Variants in CSMD2 observed in about 807,000 individuals in gnomAD.
CSMD2 encodes the protein CUB and sushi domain-containing protein 2.
Under a neutral mutation model 398.5 loss-of-function variants are expected in CSMD2, and 130 were observed. That is an observed-to-expected ratio of 0.33 (90% CI 0.28 to 0.38). CSMD2 has a LOEUF of 0.38. Ranked by LOEUF, CSMD2 falls within the 10% of genes least tolerant of loss-of-function variation. The pLI is 1.00. For missense variants in CSMD2, 3,829 were observed against 4,764.9 expected (o/e 0.80, Z 5.78); for synonymous variants, 1,828 against 1,908.5 (o/e 0.96, Z 1.10).
intron 53 of CSMD2, among the ~76,000 whole-genome samples, chr1:33,567,027 G>T (rs913753905): frequency 6.6e-6 from 1 of 151,732 alleles, no homozygotes; most frequent in African/African-American, 2.4e-5. Flanking sequence ...AGGTCACAAA[G>T]AAAGCTTCAG....
chr1:33,663,746 C>A (rs1644219958), intron 25 of CSMD2, among the ~76,000 whole-genome samples: 1 of 152,206 alleles, frequency 6.6e-6, no homozygotes, highest in African/African-American at 2.4e-5. Context: ...AAGTAGTAAC[C>A]TGAATTTTTC....
At chr1:33,630,065 TCTTCCTTC>T (rs562242200) in intron 32 of CSMD2, among the ~76,000 whole-genome samples, 19 of 151,150 alleles carry the variant, frequency 1.3e-4, no homozygotes, top group Admixed American at 4.6e-4. Flanking sequence ...TCCCCCATCT[TCTTCCTTC>T]CTTCCTTCCT....
At chr1:33,848,822 T>C (rs1638486195) in intron 5 of CSMD2, among the ~76,000 whole-genome samples, 1 of 151,540 alleles carries the variant, frequency 6.6e-6, no homozygotes, top group African/African-American at 2.4e-5. Flanking sequence ...TTTTTTTTTT[T>C]TTTCTCCAGG....
intron 33 of CSMD2, among the ~76,000 whole-genome samples, chr1:33,625,723 C>G (rs143252733): frequency 6.6e-6 from 1 of 152,122 alleles, no homozygotes; most frequent in Non-Finnish European, 1.5e-5. Flanking sequence ...CTGATGGGCC[C>G]GGGATGGCCT....
At chr1:33,617,974 C>T (rs1248731814) in intron 37 of CSMD2, among the ~76,000 whole-genome samples, 1 of 151,594 alleles carries the variant, frequency 6.6e-6, no homozygotes. Context: ...TCTTAACTCC[C>T]CTCTGTCTTC....
rs562283587 is a variant in CSMD2, at chr1:33,664,150, T to C, written c.4053-1058A>G. The stretch of plus-strand genomic sequence containing the variant: ...AGAGAAAAGGCAAACAATATACAGA[T>C]GTACTGAATTTTAAAAAAGTCTCTC... On this transcript the variant is annotated intron_variant, in intron 25 of 70. Coordinates refer to ENST00000373381, the MANE Select transcript of CSMD2 (RefSeq NM_001281956.2). Among the ~76,000 whole-genome samples, 5 of 152,334 alleles carry C rather than the reference T, an allele frequency of 3.3e-5. No individual in the cohort carries two copies. In the East Asian group the frequency reaches 9.6e-4, roughly 29 times the overall value.
intron 15 of CSMD2, among the ~76,000 whole-genome samples, chr1:33,730,847 G>T (rs537553659): frequency 6.6e-6 from 1 of 152,114 alleles, no homozygotes; most frequent in South Asian, 2.1e-4. Flanking sequence ...AACCCATGAC[G>T]AATTTTCTTT....
intron 1 of CSMD2, among the ~76,000 whole-genome samples, chr1:34,144,281 A>C (rs1049442658): frequency 6.6e-6 from 1 of 152,138 alleles, no homozygotes; most frequent in African/African-American, 2.4e-5. Context: ...AGGAGAGAAC[A>C]TGTTCATCCT....
chr1:33,972,543 G>A (rs1381805605), intron 3 of CSMD2, among the ~76,000 whole-genome samples: 3 of 152,110 alleles, frequency 2.0e-5, no homozygotes, highest in African/African-American at 7.2e-5. Flanking sequence ...ATAAGAGGGG[G>A]GCAGGAGGAT....
chr1:33,978,680 C>G (rs183310884), intron 3 of CSMD2, among the ~76,000 whole-genome samples: 1 of 152,274 alleles, frequency 6.6e-6, no homozygotes, highest in Non-Finnish European at 1.5e-5. Flanking sequence ...TACCTAAGAA[C>G]CCTAGAAACT....
At chr1:33,699,602 G>C (rs1286374409) in intron 23 of CSMD2, among the ~76,000 whole-genome samples, 2 of 152,206 alleles carry the variant, frequency 1.3e-5, no homozygotes, top group African/African-American at 4.8e-5. Context: ...TAACAGGCAA[G>C]GATCCTCTGC....
intron 64 of CSMD2, among the ~76,000 whole-genome samples, chr1:33,531,534 T>C (rs1414518162): frequency 6.6e-6 from 1 of 152,226 alleles, no homozygotes; most frequent in Non-Finnish European, 1.5e-5. Flanking sequence ...ACAGAAGTAT[T>C]ATTTGTAATA....
intron 1 of CSMD2, among the ~76,000 whole-genome samples, chr1:34,105,768 C>T (rs1018153307): frequency 3.3e-5 from 5 of 152,164 alleles, no homozygotes; most frequent in Non-Finnish European, 4.4e-5. Flanking sequence ...GGGCCTGATA[C>T]ATATTGTAGT....
intron 3 of CSMD2, among the ~76,000 whole-genome samples, chr1:33,963,897 T>A (rs1038699111): frequency 4.6e-5 from 7 of 152,122 alleles, no homozygotes; most frequent in Non-Finnish European, 1.5e-5. Context: ...TGTGGACATA[T>A]GTGTTAATTT....
intron 35 of CSMD2, 52 bp from the exon 36 acceptor site, chr1:33,623,518 C>T: frequency 7.7e-7 from 1 of 1,299,430 alleles, no homozygotes; most frequent in Non-Finnish European, 1.1e-6. Flanking sequence ...GTCCCTCCCT[C>T]CTTCTCTGCT....
At chr1:33,776,195 G>A (rs565578359) in intron 12 of CSMD2, among the ~76,000 whole-genome samples, 4 of 152,304 alleles carry the variant, frequency 2.6e-5, no homozygotes, top group African/African-American at 7.2e-5. Flanking sequence ...GAGGAAAGAT[G>A]TATTGAATGG....
chr1:33,560,010 A>C (rs909270800), intron 53 of CSMD2, among the ~76,000 whole-genome samples: 5 of 152,186 alleles, frequency 3.3e-5, no homozygotes, highest in African/African-American at 1.2e-4. Flanking sequence ...TTCCATGGCA[A>C]GGGAGTTCAG....
At chr1:33,551,158 G>A (rs1395355494) in intron 55 of CSMD2, among the ~76,000 whole-genome samples, 2 of 152,302 alleles carry the variant, frequency 1.3e-5, no homozygotes, top group Middle Eastern at 3.4e-3. Flanking sequence ...CAGGTATAAC[G>A]GGCCAGAGGC....
intron 1 of CSMD2, among the ~76,000 whole-genome samples, chr1:34,129,112 A>G (rs1571210265): frequency 6.6e-6 from 1 of 151,466 alleles, no homozygotes; most frequent in Non-Finnish European, 1.5e-5. Context: ...TGGAGGCTCC[A>G]TGGGTCCCGC....
Sources: gnomAD v4.1 joint callset for allele counts (sites outside exome capture counted in the v4.1 genomes callset) on GRCh38, gnomAD v4.1.1 for gene constraint, MANE v1.5 for transcripts, NCBI Gene and HGNC (gene_info 2026-07-23, HGNC 2026-07-21) for gene names.